The following ME3 variants were observed in gnomAD, a reference collection of about 807,000 sequenced individuals.
ME3 encodes the protein malic enzyme 3, also known as NADP-dependent malic enzyme, mitochondrial.
In ME3, 48 loss-of-function variants were observed where a neutral mutation model predicts 68.9. That is an observed-to-expected ratio of 0.70 (90% CI 0.55 to 0.89). The LOEUF is 0.89. Among genes scored for constraint, ME3 ranks in the 40% least tolerant of loss-of-function variants. ME3 has a pLI of 0.00. For missense variants in ME3, 675 were observed against 797.4 expected, an observed-to-expected ratio of 0.85 and a Z score of 1.85; for synonymous variants, 320 against 318.8, an observed-to-expected ratio of 1.00 and a Z score of -0.04.
At chr11:86,589,634 A>T (rs1347896444) in intron 2 of ME3, among the ~76,000 whole-genome samples, 1 of 152,226 alleles carries the variant, frequency 6.6e-6, no homozygotes, top group African/African-American at 2.4e-5. Context: ...TTAATAAAAG[A>T]TTCTGTGGCC....
At chr11:86,527,365 T>G (rs1954839976) in intron 4 of ME3, among the ~76,000 whole-genome samples, 3 of 152,128 alleles carry the variant, frequency 2.0e-5, no homozygotes, top group Admixed American at 1.3e-4. Context: ...TGGGACTATG[T>G]GAAAAGACCA....
At chr11:86,668,367 A>G (rs1334599231) in intron 2 of ME3, 2 of 152,164 alleles carry the variant, frequency 1.3e-5, no homozygotes, top group South Asian at 2.1e-4. Flanking sequence ...ATTAACTTCA[A>G]TGCATTTGCT....
At chr11:86,610,299 G>A (rs758333690) in intron 2 of ME3, among the ~76,000 whole-genome samples, 7 of 151,906 alleles carry the variant, frequency 4.6e-5, no homozygotes, top group Admixed American at 2.0e-4. Context: ...TCATATTATC[G>A]TTATATTTTT....
intron 2 of ME3, among the ~76,000 whole-genome samples, chr11:86,578,006 C>T (rs767823975): frequency 2.0e-5 from 3 of 152,128 alleles, no homozygotes; most frequent in Admixed American, 1.3e-4. Context: ...TAAGAACCAG[C>T]GTGGAAGAGA....
intron 2 of ME3, among the ~76,000 whole-genome samples, chr11:86,572,605 T>G (rs1957863950): frequency 6.6e-6 from 1 of 152,168 alleles, no homozygotes; most frequent in African/African-American, 2.4e-5. Flanking sequence ...CTGCAAAGGA[T>G]ATGATCTCGT....
At chr11:86,548,001 G>C (rs1956465325) in intron 4 of ME3, among the ~76,000 whole-genome samples, 1 of 152,206 alleles carries the variant, frequency 6.6e-6, no homozygotes, top group African/African-American at 2.4e-5. Context: ...AAGTTCATCT[G>C]TCTCCCATTT....
At chr11:86,506,316 T>G (rs1463913108) in intron 5 of ME3, among the ~76,000 whole-genome samples, 1 of 152,242 alleles carries the variant, frequency 6.6e-6, no homozygotes, top group East Asian at 1.9e-4. Context: ...TAGAAGGTTC[T>G]CAAAATATGT....
chr11:86,508,698 C>A, intron 5 of ME3, 94 bp downstream of exon 5: 2 of 1,207,146 alleles, frequency 1.7e-6, no homozygotes, highest in South Asian at 2.6e-5. Flanking sequence ...CCTTCAGTGT[C>A]ATAATGGCTC....
chr11:86,639,398 C>T (rs889047425), intron 2 of ME3, among the ~76,000 whole-genome samples: 3 of 152,198 alleles, frequency 2.0e-5, no homozygotes, highest in African/African-American at 7.2e-5. Flanking sequence ...TCTTGAAACA[C>T]AAACCTCCTA....
chr11:86,611,873 AT>A (rs1451701063), intron 2 of ME3, among the ~76,000 whole-genome samples: 3 of 152,208 alleles, frequency 2.0e-5, no homozygotes, highest in Admixed American at 2.0e-4. Flanking sequence ...AATATCAACC[AT>A]TTATTGGATA....
chr11:86,624,722 C>T (rs7120444), intron 2 of ME3, among the ~76,000 whole-genome samples: 58,697 of 152,102 alleles, frequency 0.39, 11,991 homozygotes, highest in East Asian at 0.7. Flanking sequence ...TACCATTCTT[C>T]GGCTTTTCTC....
At chr11:86,459,267 A>G (rs1020217034) in intron 8 of ME3, among the ~76,000 whole-genome samples, 10 of 152,272 alleles carry the variant, frequency 6.6e-5, no homozygotes, top group Admixed American at 5.2e-4. Context: ...AGGGGAGAAA[A>G]GTGAGATGGG....
At position 86,617,977 on chromosome 11, in the gene ME3, G is replaced by A. The variant is rs560915061; in HGVS notation, c.183+53785C>T. Among the ~76,000 whole-genome samples the A allele has an allele frequency of 4.6e-5, 7 of 152,032 alleles. No individual in the cohort carries two copies. The South Asian group carries it at 8.3e-4, about 18-fold the overall frequency. ...TGGCCAGAAACCATTATTCAATATC[G>A]GACCTGGAGTCTAGGACCTGAGTTC... On this transcript the variant is annotated intron_variant, in intron 2 of 14. Transcript: ENST00000543262.
At chr11:86,664,812 A>T (rs1946491671) in intron 2 of ME3, among the ~76,000 whole-genome samples, 1 of 152,142 alleles carries the variant, frequency 6.6e-6, no homozygotes, top group Admixed American at 6.6e-5. Flanking sequence ...TCTGGTTCCA[A>T]GGCACCACCT....
Position 86,456,318 on chromosome 11 carries a change from G to A in ME3, c.920-5920C>T, listed in dbSNP as rs117752667. On this transcript the variant is annotated intron_variant, in intron 8 of 14. Coordinates refer to ENST00000543262, the Ensembl canonical transcript of ME3. Reference sequence around the variant, plus strand: ...AAGGTATTCCATCAGAGATGATCCCGCAGACACTACACTCTGGATGGGTCT... The same window carrying A: ...AAGGTATTCCATCAGAGATGATCCCACAGACACTACACTCTGGATGGGTCT... Among the ~76,000 whole-genome samples the A allele has an allele frequency of 3.1e-3, 473 of 152,290 alleles. 2 individuals are homozygous for A. Among genetic ancestry groups the A allele is most frequent in the Middle Eastern group, 6.8e-3 (2 of 294 alleles).
At chr11:86,620,889 T>C (rs990484871) in intron 2 of ME3, among the ~76,000 whole-genome samples, 2 of 152,196 alleles carry the variant, frequency 1.3e-5, no homozygotes, top group Non-Finnish European at 2.9e-5. Flanking sequence ...TTTTAAAAAA[T>C]CAGATCCATC....
At chr11:86,613,228 G>A (rs368550878) in intron 2 of ME3, among the ~76,000 whole-genome samples, 5 of 152,106 alleles carry the variant, frequency 3.3e-5, no homozygotes, top group African/African-American at 4.8e-5. Flanking sequence ...GATGTGTGGT[G>A]TTATTTCTGA....
chr11:86,623,808 C>T (rs908386901), intron 2 of ME3, among the ~76,000 whole-genome samples: 3 of 152,110 alleles, frequency 2.0e-5, no homozygotes, highest in African/African-American at 7.2e-5. Flanking sequence ...TCTGTGTGCC[C>T]AGGTGTGTTG....
intron 4 of ME3, among the ~76,000 whole-genome samples, chr11:86,528,858 T>C (rs1258660724): frequency 2.0e-5 from 3 of 149,870 alleles, no homozygotes; most frequent in Non-Finnish European, 4.5e-5. Context: ...TTCAAAGCAG[T>C]GTGTAGAGGG....
Sources: allele counts gnomAD v4.1 joint callset (sites outside exome capture counted in the v4.1 genomes callset), GRCh38; gene constraint gnomAD v4.1.1; transcripts MANE v1.5; gene names NCBI Gene and HGNC (gene_info 2026-07-23, HGNC 2026-07-21).